SHROOM3: variants seen among roughly 807,000 people sequenced by gnomAD.
The protein encoded by SHROOM3 is protein Shroom3.
In SHROOM3, 47 loss-of-function variants were observed where a neutral mutation model predicts 138.6. The observed-to-expected ratio is 0.34, with a 90% CI of 0.27 to 0.43. The LOEUF is 0.43. SHROOM3 is among the 20% of genes least tolerant of loss of function. The pLI is 1.00. For synonymous variants in SHROOM3, 1,062 were observed against 1,063.3 expected (o/e 1.00, Z 0.02); for missense variants, 2,491 against 2,596.5 (o/e 0.96, Z 0.88).
intron 2 of SHROOM3, among the ~76,000 whole-genome samples, chr4:76,663,230 A>G (rs1718591435): frequency 6.6e-6 from 1 of 152,052 alleles, no homozygotes; most frequent in African/African-American, 2.4e-5. Context: ...CTTGAAACCA[A>G]CTGGGTAGGG....
At chr4:76,504,771 C>G (rs550591364) in intron 1 of SHROOM3, among the ~76,000 whole-genome samples, 2 of 152,308 alleles carry the variant, frequency 1.3e-5, no homozygotes, top group South Asian at 2.1e-4. Flanking sequence ...CATAGAACAT[C>G]ACTGCATGGT....
chr4:76,781,984 A>G lies in SHROOM3; in HGVS notation c.*2807A>G, dbSNP rs983023401. The G allele has an allele frequency of 3.3e-5, 5 of 152,180 alleles. No homozygotes were observed. Among genetic ancestry groups the G allele is most frequent in the African/African-American group, 1.2e-4 (5 of 41,442 alleles). The allele number at this position is 152,180 out of a possible 1,614,324, so 9.4% of individuals were successfully genotyped here. A position where few individuals can be genotyped will look rare whatever the true frequency, so the allele number is the denominator to read the frequency against. On this transcript the variant is annotated 3_prime_UTR_variant, in exon 11 of 11. Coordinates refer to ENST00000296043, the MANE Select transcript of SHROOM3 (RefSeq NM_020859.4). ...AGAACTCAGGTGAGATAATCTTGCA[A>G]TACTCCAAATGCAGATACTCCAGCC...
intron 1 of SHROOM3, among the ~76,000 whole-genome samples, chr4:76,513,957 G>C (rs1329777578): frequency 6.6e-6 from 1 of 152,110 alleles, no homozygotes; most frequent in Non-Finnish European, 1.5e-5. Flanking sequence ...AGTTTATTGA[G>C]GACCAAAGAC....
chr4:76,702,509 T>A (rs1000791280), intron 2 of SHROOM3, among the ~76,000 whole-genome samples: 2 of 152,200 alleles, frequency 1.3e-5, no homozygotes, highest in African/African-American at 4.8e-5. Context: ...AGTATTCTTA[T>A]TTTATAGGGG....
Position 76,759,631 on chromosome 4 carries a change from A to C in SHROOM3, c.5285A>C (p.Lys1762Thr). 6.2e-7 allele frequency: 1 copy of C among 1,614,164 alleles called. No individual in the cohort carries two copies. Among genetic ancestry groups the C allele is most frequent in the Non-Finnish European group, 8.5e-7 (1 of 1,180,028 alleles). The change falls in exon 9 of 11, where the codon AAA (lysine) becomes ACA (threonine). Residue 1762 changes from lysine to threonine, a missense_variant. Around this residue, in one of 4 missense-constraint regions of SHROOM3, gnomAD observed 470 missense variants for 595.0 expected, o/e 0.79. Transcript: ENST00000296043. ...VSAPKAELLN[K>T]IKEMPAEVNE... ...GCTCCCAAGGCTGAGCTACTGAACA[A>C]AATCAAAGAGATGCCAGCAGAAGTG...
chr4:76,640,182 G>C (rs551160340), intron 2 of SHROOM3, among the ~76,000 whole-genome samples: 1 of 152,114 alleles, frequency 6.6e-6, no homozygotes, highest in African/African-American at 2.4e-5. Context: ...GAGGGGGTGA[G>C]GGAAATAATT....
intron 1 of SHROOM3, among the ~76,000 whole-genome samples, chr4:76,483,388 A>T (rs1310820724): frequency 6.6e-6 from 1 of 152,242 alleles, no homozygotes; most frequent in East Asian, 1.9e-4. Flanking sequence ...CAACAAACAT[A>T]TGAAAAAAAG....
chr4:76,470,353 G>C (rs1731344790), intron 1 of SHROOM3, among the ~76,000 whole-genome samples: 1 of 152,088 alleles, frequency 6.6e-6, no homozygotes, highest in Non-Finnish European at 1.5e-5. Flanking sequence ...CTACTCTGTG[G>C]AACAATTCTT....
At chr4:76,604,278 A>G (rs1734571920) in intron 2 of SHROOM3, among the ~76,000 whole-genome samples, 1 of 152,172 alleles carries the variant, frequency 6.6e-6, no homozygotes, top group South Asian at 2.1e-4. Context: ...TTGTGCTTTA[A>G]AGGATGTTGA....
At chr4:76,770,429 G>C in intron 9 of SHROOM3, among the ~76,000 whole-genome samples, 197 bp from the exon 10 acceptor site, 1 of 150,640 alleles carries the variant, frequency 6.6e-6, no homozygotes, top group South Asian at 2.1e-4. Flanking sequence ...TGGTGTGTGA[G>C]GTTTAGAGAA....
intron 2 of SHROOM3, among the ~76,000 whole-genome samples, chr4:76,701,267 T>C (rs928047355): frequency 2.6e-5 from 4 of 152,194 alleles, no homozygotes; most frequent in Non-Finnish European, 5.9e-5. Flanking sequence ...TCTACTTTCT[T>C]CTTCTGAAGC....
intron 2 of SHROOM3, among the ~76,000 whole-genome samples, chr4:76,589,888 A>G (rs1310751135): frequency 6.6e-6 from 1 of 152,198 alleles, no homozygotes; most frequent in African/African-American, 2.4e-5. Flanking sequence ...TAGGTCATAT[A>G]TCATTATCCT....
intron 1 of SHROOM3, among the ~76,000 whole-genome samples, chr4:76,453,328 G>C (rs893925989): frequency 1.3e-4 from 19 of 151,490 alleles, no homozygotes; most frequent in Non-Finnish European, 2.6e-4. Flanking sequence ...GTCCAGGCTA[G>C]AGTGGTGTCA....
chr4:76,561,580 T>C (rs961244610), intron 2 of SHROOM3, among the ~76,000 whole-genome samples: 2 of 151,700 alleles, frequency 1.3e-5, no homozygotes, highest in African/African-American at 4.8e-5. Flanking sequence ...AGAGTCTAGT[T>C]CTTCGAGGAT....
intron 10 of SHROOM3, among the ~76,000 whole-genome samples, chr4:76,777,058 T>C (rs1389904733): frequency 2.6e-5 from 4 of 152,198 alleles, no homozygotes; most frequent in African/African-American, 9.6e-5. Flanking sequence ...TCTTTTTGCT[T>C]AGTCTTGCTT....
At position 76,576,250 on chromosome 4, in the gene SHROOM3, G is replaced by T. The variant is rs146769788; in HGVS notation, c.323+20487G>T. Among the ~76,000 whole-genome samples the T allele has an allele frequency of 7.3e-3, 1,111 of 152,296 alleles. 8 individuals are homozygous for T. The highest frequency in any genetic ancestry group is 0.012 in the Non-Finnish European group (796 of 68,012). Reference sequence around the variant, plus strand: ...TAGCTAAGATTTGGAAGCAACTTAAGTGTCCATCAACAGATGAATGGATAA... The same window carrying T: ...TAGCTAAGATTTGGAAGCAACTTAATTGTCCATCAACAGATGAATGGATAA... On this transcript the variant is annotated intron_variant, in intron 2 of 10. Coordinates refer to ENST00000296043, the MANE Select transcript of SHROOM3 (RefSeq NM_020859.4).
chr4:76,687,585 A>C (rs1221069208), intron 2 of SHROOM3, among the ~76,000 whole-genome samples: 1 of 152,196 alleles, frequency 6.6e-6, no homozygotes, highest in African/African-American at 2.4e-5. Flanking sequence ...TTGTTGCTGA[A>C]ATTTCTTCAT....
chr4:76,738,730 A>AGTG (rs1332272614), intron 4 of SHROOM3, 31 bp from the exon 5 acceptor site: 1 of 1,612,608 alleles, frequency 6.2e-7, no homozygotes, highest in African/African-American at 1.3e-5. Flanking sequence ...ATAACAGCTC[A>AGTG]GTGGTACTGA....
At chr4:76,448,437 A>G (rs1448438449) in intron 1 of SHROOM3, among the ~76,000 whole-genome samples, 1 of 152,234 alleles carries the variant, frequency 6.6e-6, no homozygotes, top group East Asian at 1.9e-4. Flanking sequence ...AGCATCTGCA[A>G]TTCTTTGCTT....
Sources: gnomAD v4.1 joint callset for allele counts (sites outside exome capture counted in the v4.1 genomes callset) on GRCh38, gnomAD v4.1.1 for gene constraint, gnomAD v4.1.1 regional missense constraint, MANE v1.5 for transcripts, NCBI Gene and HGNC (gene_info 2026-07-23, HGNC 2026-07-21) for gene names.